ADAMTSL1: variants seen among roughly 807,000 people sequenced by gnomAD.
ADAMTSL1 encodes ADAMTS like 1, also known as ADAMTS-like protein 1.
A neutral mutation model predicts 201.8 loss-of-function variants in ADAMTSL1; 126 were observed. The observed-to-expected ratio is 0.62, with a 90% CI of 0.54 to 0.72. The LOEUF (loss-of-function observed/expected upper bound fraction) is 0.72, where lower values mean the gene tolerates loss of function less well. ADAMTSL1 is among the 30% of genes least tolerant of loss of function. ADAMTSL1 has a pLI of 0.00. For missense variants in ADAMTSL1, 2,679 were observed against 2,277.8 expected (o/e 1.18, Z -3.59); for synonymous variants, 1,121 against 903.4 (o/e 1.24, Z -4.32).
intron 2 of ADAMTSL1, among the ~76,000 whole-genome samples, chr9:18,529,514 C>T (rs906774362): frequency 6.6e-6 from 1 of 152,122 alleles, no homozygotes; most frequent in Non-Finnish European, 1.5e-5. Context: ...TCAGTTTTCT[C>T]ATCTATTAAA....
At chr9:18,365,187 C>T (rs1836714269) in intron 2 of ADAMTSL1, among the ~76,000 whole-genome samples, 1 of 152,084 alleles carries the variant, frequency 6.6e-6, no homozygotes, top group South Asian at 2.1e-4. Context: ...ACTAGATAAG[C>T]AAATTGTAGC....
chr9:18,675,555 A>G (rs961276614), intron 9 of ADAMTSL1, among the ~76,000 whole-genome samples: 1 of 152,130 alleles, frequency 6.6e-6, no homozygotes, highest in Non-Finnish European at 1.5e-5. Context: ...GAACATTTAC[A>G]ATCTTATGGT....
chr9:18,183,827 T>C (rs932529155), intron 2 of ADAMTSL1, among the ~76,000 whole-genome samples: 2 of 152,232 alleles, frequency 1.3e-5, no homozygotes, highest in African/African-American at 4.8e-5. Context: ...TAATTACAGC[T>C]TGAAGATTCT....
intron 9 of ADAMTSL1, among the ~76,000 whole-genome samples, chr9:18,665,888 G>T (rs1564132209): frequency 1.3e-5 from 2 of 152,112 alleles, no homozygotes; most frequent in Non-Finnish European, 2.9e-5. Context: ...TTAAAAGACT[G>T]TAATGAAAAC....
intron 1 of ADAMTSL1, among the ~76,000 whole-genome samples, chr9:17,998,227 A>G (rs1235973251): frequency 1.3e-5 from 2 of 152,096 alleles, no homozygotes; most frequent in Non-Finnish European, 2.9e-5. Flanking sequence ...GTGGAAATTC[A>G]AGCACCATGT....
At chr9:18,902,576 T>C (rs768615403) in intron 26 of ADAMTSL1, among the ~76,000 whole-genome samples, 27 of 151,412 alleles carry the variant, frequency 1.8e-4, no homozygotes, top group Non-Finnish European at 3.7e-4. Context: ...AACCACAACA[T>C]ACCAAAATAT....
intron 1 of ADAMTSL1, among the ~76,000 whole-genome samples, chr9:17,987,848 T>C (rs894472862): frequency 1.3e-5 from 2 of 152,086 alleles, no homozygotes; most frequent in African/African-American, 4.8e-5. Flanking sequence ...CAGTGGCTCT[T>C]GAAAGAGTTT....
upstream of ADAMTSL1, among the ~76,000 whole-genome samples, chr9:18,470,480 AG>A (rs538937528): frequency 1.9e-3 from 289 of 152,322 alleles, 2 homozygotes; most frequent in African/African-American, 6.2e-3. Flanking sequence ...GGGGAAAACA[AG>A]GCTCAGATGC....
chr9:18,574,178 C>G lies in ADAMTSL1; in HGVS notation c.386C>G (p.Thr129Ser). The change falls in exon 4 of 29, where the codon ACC becomes AGC. Residue 129 changes from threonine (T) to serine (S), a missense_variant. Thr to Ser is a moderately conservative substitution (Grantham distance 58). Transcript: ENST00000380548. ...CSLKCQAKGT[T>S]LVVELAPKVL... ...CTCAAGTGCCAAGCCAAAGGAACAA[C>G]CCTGGTTGTTGAACTAGCACCTAAG... is the stretch of plus-strand genomic sequence containing the variant. 4 of 1,614,154 alleles carry G rather than the reference C, an allele frequency of 2.5e-6. No individual in the cohort carries two copies. Among genetic ancestry groups the G allele is most frequent in the Non-Finnish European group, 3.4e-6 (4 of 1,180,016 alleles).
At chr9:18,026,142 A>C (rs1380638828) in intron 1 of ADAMTSL1, among the ~76,000 whole-genome samples, 1 of 152,010 alleles carries the variant, frequency 6.6e-6, no homozygotes, top group East Asian at 1.9e-4. Context: ...GTGTGGAATC[A>C]TCATCAGTAA....
intron 2 of ADAMTSL1, among the ~76,000 whole-genome samples, chr9:18,400,815 C>T (rs1484564635): frequency 6.6e-6 from 1 of 152,116 alleles, no homozygotes; most frequent in African/African-American, 2.4e-5. Context: ...GGATCTCTAG[C>T]CCTGTGCTTC....
At chr9:17,934,825 C>G (rs1038289047) in intron 1 of ADAMTSL1, among the ~76,000 whole-genome samples, 2 of 151,670 alleles carry the variant, frequency 1.3e-5, no homozygotes, top group South Asian at 4.2e-4. Flanking sequence ...ACTTGGCGCC[C>G]CAGACTCCAT....
chr9:18,249,381 A>G (rs1344045382), intron 2 of ADAMTSL1, among the ~76,000 whole-genome samples: 1 of 152,212 alleles, frequency 6.6e-6, no homozygotes, highest in Non-Finnish European at 1.5e-5. Context: ...TGTCAATAAG[A>G]GTCTTTTGAA....
At chr9:18,765,778 A>C (rs1162076737) in intron 16 of ADAMTSL1, among the ~76,000 whole-genome samples, 1 of 152,204 alleles carries the variant, frequency 6.6e-6, no homozygotes, top group African/African-American at 2.4e-5. Context: ...CTCTTCCTTC[A>C]TAGAGCTAAT....
intron 3 of ADAMTSL1, among the ~76,000 whole-genome samples, chr9:18,561,078 C>T (rs115183210): frequency 0.012 from 1,812 of 151,758 alleles, 42 homozygotes; most frequent in African/African-American, 0.042. Flanking sequence ...TTTTGAAATC[C>T]GTTCCTGTTT....
chr9:18,353,281 T>C (rs992494437), intron 2 of ADAMTSL1, among the ~76,000 whole-genome samples: 1 of 152,252 alleles, frequency 6.6e-6, no homozygotes, highest in Non-Finnish European at 1.5e-5. Context: ...GCACTTACTA[T>C]GCACTAGACA....
At chr9:18,627,179 G>T (rs1826441700) in intron 5 of ADAMTSL1, among the ~76,000 whole-genome samples, 2 of 151,978 alleles carry the variant, frequency 1.3e-5, no homozygotes, top group Admixed American at 6.6e-5. Context: ...ATGGGGTTTT[G>T]CCATGTTGGC....
At chr9:18,900,710 G>A (rs1167456377) in intron 26 of ADAMTSL1, among the ~76,000 whole-genome samples, 1 of 141,892 alleles carries the variant, frequency 7.0e-6, no homozygotes, top group East Asian at 2.2e-4. Context: ...ACTTATAAGT[G>A]AGAACTGAAT....
intron 4 of ADAMTSL1, chr9:18,574,582 T>G (rs1455726298): frequency 2.2e-6 from 1 of 450,444 alleles, no homozygotes; most frequent in African/African-American, 3.2e-5. Context: ...ATTCCTGAAG[T>G]GTGTGTTTGT....
Sources: gnomAD v4.1 joint callset for allele counts (sites outside exome capture counted in the v4.1 genomes callset) on GRCh38, gnomAD v4.1.1 for gene constraint, MANE v1.5 for transcripts, NCBI Gene and HGNC (gene_info 2026-07-23, HGNC 2026-07-21) for gene names.